The following ABTB3 variants were observed in gnomAD, a reference collection of about 807,000 sequenced individuals.
ABTB3 encodes ankyrin repeat and BTB domain containing 3.
At chr12:107,520,900 A>G in the ABTB3 span, among the ~76,000 whole-genome samples, 42,420 of 152,126 alleles carry the variant, frequency 0.28, 6,566 homozygotes, top group African/African-American at 0.39. Context: ...TTCCTTTTCT[A>G]TAAACTAGAG....
chr12:107,329,215 C>T, the ABTB3 span, among the ~76,000 whole-genome samples: 1 of 152,134 alleles, frequency 6.6e-6, no homozygotes, highest in Non-Finnish European at 1.5e-5. Flanking sequence ...GCTGGTCCTC[C>T]CTGAGAATCA....
At chr12:107,335,286 CAAAAAAAAAAAAAAAAAAAAAA>C in the ABTB3 span, among the ~76,000 whole-genome samples, 10 of 18,646 alleles carry the variant, frequency 5.4e-4, no homozygotes, top group East Asian at 3.4e-3. Context: ...GACCTTGTCT[CAAAAAAAAAAAAAAAAAAAAAA>C]AAAAAAAAAA....
chr12:107,569,453 C>A, the ABTB3 span, among the ~76,000 whole-genome samples: 1 of 152,124 alleles, frequency 6.6e-6, no homozygotes, highest in African/African-American at 2.4e-5. Flanking sequence ...GGTTGATGAA[C>A]AAATTCAACC....
chr12:107,618,837 G>A, the ABTB3 span, among the ~76,000 whole-genome samples: 2 of 152,188 alleles, frequency 1.3e-5, no homozygotes, highest in East Asian at 1.9e-4. Flanking sequence ...CCAACTCCAC[G>A]AAGCAGTGCT....
the ABTB3 span, chr12:107,544,185 C>T: frequency 6.3e-7 from 1 of 1,577,146 alleles, no homozygotes; most frequent in African/African-American, 1.3e-5. Flanking sequence ...GTACTGCCTC[C>T]AGGGTGGGGC....
chr12:107,574,939 C>T, the ABTB3 span, among the ~76,000 whole-genome samples: 10 of 152,198 alleles, frequency 6.6e-5, no homozygotes, highest in Non-Finnish European at 1.5e-4. Flanking sequence ...AGGGCTGTCA[C>T]TATAGTAACC....
chr12:107,630,660 C>A, the ABTB3 span, among the ~76,000 whole-genome samples: 2 of 151,592 alleles, frequency 1.3e-5, no homozygotes, highest in South Asian at 4.2e-4. Flanking sequence ...TAGGCGGGCC[C>A]CGAGCTCCTG....
At chr12:107,451,512 G>A in the ABTB3 span, among the ~76,000 whole-genome samples, 730 of 152,220 alleles carry the variant, frequency 4.8e-3, 10 homozygotes, top group African/African-American at 0.017. Flanking sequence ...GCCAGAACAC[G>A]CCATCAAAAA....
At chr12:107,495,190 T>C in the ABTB3 span, among the ~76,000 whole-genome samples, 2 of 152,112 alleles carry the variant, frequency 1.3e-5, no homozygotes, top group Non-Finnish European at 2.9e-5. Flanking sequence ...AAAAAAGACA[T>C]GACTTGCAGC....
chr12:107,479,991 A>G, the ABTB3 span, among the ~76,000 whole-genome samples: 2 of 152,120 alleles, frequency 1.3e-5, no homozygotes, highest in East Asian at 3.9e-4. Context: ...AAATAACACA[A>G]CCAAATAGAA....
At chr12:107,511,023 A>AG in the ABTB3 span, among the ~76,000 whole-genome samples, 10 of 152,152 alleles carry the variant, frequency 6.6e-5, no homozygotes, top group African/African-American at 2.4e-4. Context: ...GAGAGAAGAG[A>AG]GTTCAGGAAG....
chr12:107,608,966 AAT>A, the ABTB3 span, among the ~76,000 whole-genome samples: 6,912 of 74,704 alleles, frequency 0.093, 458 homozygotes, highest in African/African-American at 0.17. Flanking sequence ...TATAAAATAA[AAT>A]ATAAAATAAA....
chr12:107,626,409 G>A, the ABTB3 span, among the ~76,000 whole-genome samples: 3 of 145,140 alleles, frequency 2.1e-5, no homozygotes, highest in East Asian at 4.2e-4. Flanking sequence ...GTAGTGGTGC[G>A]ATCTCGGCTC....
the ABTB3 span, among the ~76,000 whole-genome samples, chr12:107,329,521 C>G: frequency 6.6e-6 from 1 of 152,254 alleles, no homozygotes; most frequent in South Asian, 2.1e-4. Context: ...GTGCCAGCCT[C>G]CTTGCTGAAA....
chr12:107,558,235 A>C, the ABTB3 span, among the ~76,000 whole-genome samples: 4 of 152,164 alleles, frequency 2.6e-5, no homozygotes, highest in Non-Finnish European at 5.9e-5. Flanking sequence ...GCTCGTTTGC[A>C]GAGGTGCAGC....
the ABTB3 span, among the ~76,000 whole-genome samples, chr12:107,443,998 C>T: frequency 9.8e-5 from 15 of 152,310 alleles, no homozygotes; most frequent in African/African-American, 3.6e-4. Flanking sequence ...CAGAGATGAA[C>T]ACAGAGCCTC....
chr12:107,593,357 T>C, the ABTB3 span, among the ~76,000 whole-genome samples: 1 of 152,224 alleles, frequency 6.6e-6, no homozygotes, highest in Non-Finnish European at 1.5e-5. Flanking sequence ...ATGGAGCATC[T>C]TGTGGGACTT....
At chr12:107,436,534 G>C in the ABTB3 span, among the ~76,000 whole-genome samples, 2 of 152,222 alleles carry the variant, frequency 1.3e-5, no homozygotes, top group African/African-American at 2.4e-5. Flanking sequence ...TTTCTGGAAT[G>C]TTCTAAGGAT....
At chr12:107,490,062 CA>C in the ABTB3 span, among the ~76,000 whole-genome samples, 2 of 152,112 alleles carry the variant, frequency 1.3e-5, no homozygotes, top group African/African-American at 4.8e-5. Context: ...AGGCCCATTA[CA>C]AAAGTGAGCT....
Sources: allele counts gnomAD v4.1 joint callset (sites outside exome capture counted in the v4.1 genomes callset), GRCh38; gene constraint gnomAD v4.1.1; transcripts MANE v1.5; gene names NCBI Gene and HGNC (gene_info 2026-07-23, HGNC 2026-07-21).